The following TACC1 variants were observed in gnomAD, a reference collection of about 807,000 sequenced individuals.
TACC1 encodes transforming acidic coiled-coil-containing protein 1.
Under a neutral mutation model 84.4 loss-of-function variants are expected in TACC1, and 48 were observed. The ratio of observed to expected loss-of-function variants is 0.57; its 90% CI spans 0.45 to 0.72. TACC1 has a LOEUF of 0.72. Ranked by LOEUF, TACC1 falls within the 30% of genes least tolerant of loss-of-function variation. The probability of loss-of-function intolerance (pLI) is 0.00; values close to 1 mark genes in which losing one functional copy is unlikely to be tolerated. For missense variants in TACC1, 920 were observed against 973.0 expected (o/e 0.95, Z 0.72); for synonymous variants, 372 against 376.3 (o/e 0.99, Z 0.13).
chr8:38,846,907 A>C lies in TACC1; in HGVS notation c.2349+88A>C. ...CTCACTTAATGACAGATCTGGGTGA[A>C]AGAGGCCTTGGCTTTCTACTCAGAC... On this transcript the variant is annotated intron_variant, in intron 12 of 12. Transcript: ENST00000317827. 2.0e-6 allele frequency: 3 copies of C among 1,511,218 alleles called. No homozygotes were observed. In the South Asian group the frequency reaches 3.8e-5, roughly 19 times the overall value. The allele number at this position is 1,511,218 out of a possible 1,614,324, so 93.6% of individuals were successfully genotyped here.
chr8:38,747,906 C>A (rs1411774111), intron 3 of TACC1, among the ~76,000 whole-genome samples: 1 of 152,064 alleles, frequency 6.6e-6, no homozygotes, highest in African/African-American at 2.4e-5. Context: ...AGCAAATGCA[C>A]CACTCTGGTA....
At chr8:38,808,869 A>G (rs766578259) in intron 2 of TACC1, among the ~76,000 whole-genome samples, 1 of 152,008 alleles carries the variant, frequency 6.6e-6, no homozygotes, top group East Asian at 1.9e-4. Flanking sequence ...GGGCTCCCCA[A>G]ACTGGTTTAA....
intron 2 of TACC1, among the ~76,000 whole-genome samples, chr8:38,801,584 G>T (rs1008609255): frequency 3.3e-5 from 5 of 152,086 alleles, no homozygotes; most frequent in African/African-American, 1.2e-4. Flanking sequence ...TATGTCTCTC[G>T]TTATGCTGGT....
chr8:38,838,633 C>A, intron 8 of TACC1, 87 bp downstream of exon 8: 1 of 1,127,774 alleles, frequency 8.9e-7, no homozygotes, highest in Non-Finnish European at 1.3e-6. Context: ...TGTTTGCTTG[C>A]CACAGAACCA....
intron 1 of TACC1, among the ~76,000 whole-genome samples, chr8:38,729,595 G>T (rs1338404145): frequency 6.6e-6 from 1 of 152,196 alleles, no homozygotes; most frequent in African/African-American, 2.4e-5. Context: ...GTGGCCGGGC[G>T]CGGTGGCTCA....
At chr8:38,748,215 TAAAG>T (rs906511285) in intron 3 of TACC1, among the ~76,000 whole-genome samples, 1 of 151,972 alleles carries the variant, frequency 6.6e-6, no homozygotes, top group Non-Finnish European at 1.5e-5. Flanking sequence ...TCATAAAAGA[TAAAG>T]AAGGGCACTT....
intron 3 of TACC1, among the ~76,000 whole-genome samples, chr8:38,755,698 G>A (rs1366728027): frequency 7.6e-6 from 1 of 131,448 alleles, no homozygotes; most frequent in Admixed American, 8.2e-5. Flanking sequence ...AAAGAGACAC[G>A]GTCTTTCAAA....
intron 2 of TACC1, among the ~76,000 whole-genome samples, chr8:38,814,700 A>G (rs1465382272): frequency 1.3e-5 from 2 of 152,246 alleles, no homozygotes; most frequent in Non-Finnish European, 2.9e-5. Flanking sequence ...GGGTTTAAAT[A>G]ATCAGACTGT....
chr8:38,750,772 T>C (rs1808883370), intron 3 of TACC1, among the ~76,000 whole-genome samples: 1 of 152,130 alleles, frequency 6.6e-6, no homozygotes, highest in African/African-American at 2.4e-5. Flanking sequence ...CTGAAAACAA[T>C]AAAACATGAC....
intron 7 of TACC1, 53 bp from the exon 8 acceptor site, chr8:38,838,417 C>A: frequency 1.5e-6 from 2 of 1,375,480 alleles, no homozygotes; most frequent in South Asian, 2.4e-5. Context: ...AGTTCCCAGT[C>A]TTAAATGCAA....
At chr8:38,774,552 G>A (rs979342258) in intron 3 of TACC1, among the ~76,000 whole-genome samples, 1 of 152,152 alleles carries the variant, frequency 6.6e-6, no homozygotes, top group African/African-American at 2.4e-5. Context: ...AAGTGCAGTG[G>A]TAGCATCACA....
At chr8:38,809,556 G>A (rs147116142) in intron 2 of TACC1, among the ~76,000 whole-genome samples, 1 of 152,210 alleles carries the variant, frequency 6.6e-6, no homozygotes, top group African/African-American at 2.4e-5. Context: ...GGAGAGAGGA[G>A]GAAGACTCTT....
chr8:38,743,097 A>G (rs1807391361), intron 2 of TACC1, among the ~76,000 whole-genome samples: 1 of 152,222 alleles, frequency 6.6e-6, no homozygotes, highest in South Asian at 2.1e-4. Context: ...TCTGTGAGTC[A>G]GTTTCTTATT....
At chr8:38,768,314 T>C (rs952873074) in intron 3 of TACC1, among the ~76,000 whole-genome samples, 2 of 152,196 alleles carry the variant, frequency 1.3e-5, no homozygotes, top group Non-Finnish European at 2.9e-5. Flanking sequence ...CAGTGCTTGT[T>C]CATTTGTATC....
intron 3 of TACC1, among the ~76,000 whole-genome samples, chr8:38,776,232 C>T (rs1257172872): frequency 6.6e-6 from 1 of 152,204 alleles, no homozygotes; most frequent in Non-Finnish European, 1.5e-5. Flanking sequence ...TTGTCCACAT[C>T]AGTCATCTTT....
intron 2 of TACC1, chr8:38,799,980 C>G (rs1401548443): frequency 5.9e-5 from 9 of 152,226 alleles, no homozygotes; most frequent in African/African-American, 2.2e-4. Context: ...AAAATGAGAC[C>G]CCGACTCTAC....
At chr8:38,777,963 G>T (rs561653965) in intron 3 of TACC1, among the ~76,000 whole-genome samples, 3 of 152,316 alleles carry the variant, frequency 2.0e-5, no homozygotes, top group Admixed American at 2.0e-4. Context: ...TTTGCTAGAA[G>T]AAATAAGGAA....
In TACC1 at chr8:38,850,775, CAAA is replaced by C. The variant is rs35426492; in HGVS notation, c.*2775_*2777del. The stretch of plus-strand genomic sequence containing the variant: ...CCTGGGTGACAGCAAGATCTTGTCT[CAAA>C]AAAAAAAAAAAAAAAAAAAAAACCA... On this transcript the variant is annotated 3_prime_UTR_variant, in exon 13 of 13. Transcript: ENST00000317827. 1,009 of 69,106 alleles carry C rather than the reference CAAA, an allele frequency of 0.015. 4 individuals are homozygous for C. Among genetic ancestry groups the C allele is most frequent in the African/African-American group, 0.017 (346 of 20,748 alleles). The allele number at this position is 69,106 out of a possible 1,614,324, so 4.3% of individuals were successfully genotyped here.
intron 3 of TACC1, chr8:38,757,451 T>G: frequency 3.6e-6 from 4 of 1,126,158 alleles, no homozygotes; most frequent in Non-Finnish European, 4.4e-6. Context: ...TTTGGGGGTT[T>G]GCGTGCCAGC....
Sources: gnomAD v4.1 joint callset for allele counts (sites outside exome capture counted in the v4.1 genomes callset) on GRCh38, gnomAD v4.1.1 for gene constraint, MANE v1.5 for transcripts, NCBI Gene and HGNC (gene_info 2026-07-23, HGNC 2026-07-21) for gene names.